Variants in CAPN5 observed in about 807,000 individuals in gnomAD.
The protein encoded by CAPN5 is calpain 5, also known as calpain-5.
Under a neutral mutation model 73.0 loss-of-function variants are expected in CAPN5, and 54 were observed. The observed-to-expected ratio is 0.74, with a 90% CI of 0.59 to 0.93. The LOEUF is 0.93. Among genes scored for constraint, CAPN5 ranks in the 40% least tolerant of loss-of-function variants. The pLI, the probability that CAPN5 is intolerant of heterozygous loss-of-function variation, is 0.00. For missense variants in CAPN5, 785 were observed against 882.9 expected (o/e 0.89, Z 1.41); for synonymous variants, 335 against 356.9 (o/e 0.94, Z 0.69).
Position 77,085,021 on chromosome 11 carries a change from G to A in CAPN5, c.135G>A (p.Pro45=), listed in dbSNP as rs370345478. 1.3e-4 allele frequency: 211 copies of A among 1,613,376 alleles called. 1 individual carries two copies. The highest frequency in any genetic ancestry group is 1.6e-4 in the Middle Eastern group (1 of 6,084). The change falls in exon 2 of 13, where the codon CCG becomes CCA. Residue 45 remains proline (P), a synonymous_variant. Transcript: ENST00000648180. ...TDDSLYYKGT[P]GPAVRWKRPK... ...ACTCACTCTACTATAAGGGCACGCC[G>A]GGGCCCGCCGTCAGGTGGAAGCGAC...
chr11:77,101,903 T>A (rs1565269020), intron 3 of CAPN5, among the ~76,000 whole-genome samples: 1 of 152,222 alleles, frequency 6.6e-6, no homozygotes, highest in African/African-American at 2.4e-5. Flanking sequence ...TGAGGATTAA[T>A]TCAGGTGGAG....
chr11:77,090,653 C>A (rs949096209), intron 2 of CAPN5, among the ~76,000 whole-genome samples: 1 of 152,178 alleles, frequency 6.6e-6, no homozygotes, highest in Non-Finnish European at 1.5e-5. Context: ...TGGAGGGACA[C>A]CTGAGTCACT....
At chr11:77,073,041 G>T in intron 1 of CAPN5, 2 of 1,284,032 alleles carry the variant, frequency 1.6e-6, no homozygotes, top group Non-Finnish European at 2.0e-6. Context: ...ACCCCACCCC[G>T]GGTGAGAGAG....
intron 1 of CAPN5, chr11:77,073,152 G>T: frequency 1.6e-6 from 2 of 1,267,256 alleles, no homozygotes; most frequent in Non-Finnish European, 2.1e-6. Context: ...GGTGGCCACC[G>T]CACTGGGTTG....
chr11:77,093,663 C>T lies in CAPN5; in HGVS notation c.166-19C>T, dbSNP rs1240497570. ...CATGCTCCTCCGCCCCTCACGCTCT[C>T]TCCTCGCCTTCTCCGCAGGGCATCT... is the stretch of plus-strand genomic sequence containing the variant. On this transcript the variant is annotated intron_variant, in intron 2 of 12. Coordinates refer to ENST00000648180, the MANE Select transcript of CAPN5 (RefSeq NM_004055.5). 12 of 1,562,812 alleles carry T rather than the reference C, an allele frequency of 7.7e-6. No individual in the cohort carries two copies. In the Admixed American group the frequency reaches 2.1e-4, roughly 27 times the overall value.
intron 1 of CAPN5, among the ~76,000 whole-genome samples, chr11:77,077,551 T>C (rs1317188591): frequency 6.6e-6 from 1 of 151,680 alleles, no homozygotes; most frequent in Admixed American, 6.6e-5. Flanking sequence ...TTTTTTGAGA[T>C]GGAGTTTCGC....
chr11:77,100,082 C>A (rs1351324059), intron 3 of CAPN5, among the ~76,000 whole-genome samples: 1 of 152,228 alleles, frequency 6.6e-6, no homozygotes, highest in African/African-American at 2.4e-5. Flanking sequence ...GGTGATCCAC[C>A]CGCCTCGGCC....
At chr11:77,122,794 A>T in intron 12 of CAPN5, 82 bp downstream of exon 12, 1 of 1,576,018 alleles carries the variant, frequency 6.3e-7, no homozygotes, top group Admixed American at 1.7e-5. Flanking sequence ...CAGGTGGAAG[A>T]CCCTCTGACG....
intron 1 of CAPN5, among the ~76,000 whole-genome samples, chr11:77,067,367 G>A (rs1347186706): frequency 6.7e-6 from 1 of 149,364 alleles, no homozygotes; most frequent in African/African-American, 2.5e-5. Flanking sequence ...TCTCCGAGTC[G>A]TTTTCCTAGT....
At chr11:77,078,819 A>G (rs1949999427) in intron 1 of CAPN5, among the ~76,000 whole-genome samples, 1 of 151,860 alleles carries the variant, frequency 6.6e-6, no homozygotes, top group African/African-American at 2.4e-5. Context: ...ATTCCTAAGC[A>G]TTTCTTTTTT....
intron 1 of CAPN5, among the ~76,000 whole-genome samples, chr11:77,074,916 A>G (rs1434286873): frequency 6.6e-6 from 1 of 152,052 alleles, no homozygotes; most frequent in African/African-American, 2.4e-5. Flanking sequence ...GCTCTCTCCC[A>G]CTCGGCCCTG....
chr11:77,103,158 TG>T (rs1950306234), intron 3 of CAPN5: 2 of 1,613,826 alleles, frequency 1.2e-6, no homozygotes, highest in Middle Eastern at 1.6e-4. Context: ...TGCCATCTTC[TG>T]GCGCAAGGAG....
intron 5 of CAPN5, 62 bp from the exon 6 acceptor site, chr11:77,115,333 T>C (rs1161363982): frequency 3.5e-6 from 5 of 1,417,118 alleles, no homozygotes; most frequent in East Asian, 2.3e-5. Flanking sequence ...CTCCAGCACC[T>C]GAGTCCCTGG....
At chr11:77,077,018 GC>G (rs1555034010) in intron 1 of CAPN5, among the ~76,000 whole-genome samples, 1 of 151,964 alleles carries the variant, frequency 6.6e-6, no homozygotes, top group African/African-American at 2.4e-5. Context: ...CCATATCCTC[GC>G]CCACACTTAT....
intron 3 of CAPN5, among the ~76,000 whole-genome samples, chr11:77,109,646 C>T (rs570336306): frequency 7.9e-5 from 12 of 152,098 alleles, no homozygotes; most frequent in East Asian, 1.9e-4. Context: ...GGTGTGCGAG[C>T]GCATCTATTT....
chr11:77,108,326 G>C (rs560817293), intron 3 of CAPN5, among the ~76,000 whole-genome samples: 97 of 152,302 alleles, frequency 6.4e-4, no homozygotes, highest in Middle Eastern at 3.4e-3. Flanking sequence ...CTGACTGTTG[G>C]GGGGGTGCTC....
rs74759900 is a variant in CAPN5 at position 77,068,752 on chromosome 11, T to G, written c.-36+1658T>G. Among the ~76,000 whole-genome samples, 1,506 of 152,000 alleles carry G rather than the reference T, an allele frequency of 9.9e-3. 22 individuals are homozygous for G. The highest frequency in any genetic ancestry group is 0.034 in the African/African-American group (1,420 of 41,456). On this transcript the variant is annotated intron_variant, in intron 1 of 12. Coordinates refer to ENST00000648180, the MANE Select transcript of CAPN5 (RefSeq NM_004055.5). The stretch of plus-strand genomic sequence containing the variant: ...CAGGGGAGGAGGGACCCTGATAAAG[T>G]TTCCCAGAGCAGGGGTGCTGGGGGC...
At position 77,112,579 on chromosome 11, in the gene CAPN5, C is replaced by A; in HGVS notation, c.298-10C>A. 1 of 1,612,158 alleles carries A rather than the reference C, an allele frequency of 6.2e-7. No homozygotes were observed. Among genetic ancestry groups the A allele is most frequent in the Admixed American group, 1.7e-5 (1 of 60,026 alleles). The stretch of plus-strand genomic sequence containing the variant: ...TGTTCCCCCATCCTATCCCCCCTCC[C>A]CCTACCCAGGTCATCCCAGACTGGA... On this transcript the variant is annotated splice_polypyrimidine_tract_variant and intron_variant, in intron 3 of 12. Transcript: ENST00000648180.
chr11:77,118,434 G>A, intron 8 of CAPN5, 82 bp downstream of exon 8: 1 of 1,217,792 alleles, frequency 8.2e-7, no homozygotes, highest in Non-Finnish European at 1.1e-6. Flanking sequence ...ACTCCTGCAT[G>A]ACCTTGGGTA....
Sources: gnomAD v4.1 joint callset for allele counts (sites outside exome capture counted in the v4.1 genomes callset) on GRCh38, gnomAD v4.1.1 for gene constraint, MANE v1.5 for transcripts, NCBI Gene and HGNC (gene_info 2026-07-23, HGNC 2026-07-21) for gene names.